Variants in HID1 observed in about 807,000 individuals in gnomAD.
HID1 encodes the protein HID1 domain containing.
In HID1, 42 loss-of-function variants were observed where a neutral mutation model predicts 89.7. The observed-to-expected ratio is 0.47, with a 90% confidence interval of 0.37 to 0.61. The LOEUF is 0.61. Among genes scored for constraint, HID1 ranks in the 20% least tolerant of loss-of-function variants. HID1 has a pLI of 0.00. For missense variants in HID1, 854 were observed against 1,039.3 expected, an observed-to-expected ratio of 0.82 and a Z score of 2.45; for synonymous variants, 442 against 433.8, an observed-to-expected ratio of 1.02 and a Z score of -0.24.
chr17:74,964,128 G>A (rs2039527280), intron 2 of HID1: 1 of 603,508 alleles, frequency 1.7e-6, no homozygotes, highest in South Asian at 2.0e-5. Flanking sequence ...TGGAGCATCA[G>A]GACAGCCAGG....
chr17:74,964,505 T>C lies in HID1; in HGVS notation c.194A>G (p.Asn65Ser). Residue 65 changes from asparagine (N) to serine (S), a missense_variant, in exon 2 of 19, where the codon AAC becomes AGC. By Grantham distance (46) the Asn-to-Ser change is conservative (BLOSUM62 1). Transcript: ENST00000425042. ...CACCTTGTAGCACAGGGTGGCCAAGTTGGAGGGTGACTCTTCCCGCACGGC... is the reference window on the plus strand; with the variant it reads ...CACCTTGTAGCACAGGGTGGCCAAGCTGGAGGGTGACTCTTCCCGCACGGC... ...IRAVREESPS[N>S]LATLCYKAVE... is the part of the protein sequence containing the mutation. 1 of 1,610,334 alleles carries C rather than the reference T, an allele frequency of 6.2e-7. No individual in the cohort carries two copies. The highest frequency in any genetic ancestry group is 8.5e-7 in the Non-Finnish European group (1 of 1,178,662).
chr17:74,963,438 T>C, intron 3 of HID1: 2 of 505,108 alleles, frequency 4.0e-6, no homozygotes, highest in East Asian at 6.8e-5. Context: ...GACAGTGTGG[T>C]CCCTCTCCGG....
chr17:74,953,769 C>A (rs117332710), intron 14 of HID1, 118 bp from the exon 15 acceptor site: 2 of 778,616 alleles, frequency 2.6e-6, no homozygotes, highest in African/African-American at 1.7e-5. Flanking sequence ...GAACCTCCAC[C>A]GGCTCTAGAG....
intron 16 of HID1, among the ~76,000 whole-genome samples, chr17:74,952,709 A>C (rs1196735753): frequency 1.3e-5 from 2 of 152,164 alleles, no homozygotes; most frequent in African/African-American, 4.8e-5. Flanking sequence ...AGGAAGTCGG[A>C]AAGAGTGATT....
Position 74,959,228 on chromosome 17 carries a change from G to A in HID1, c.1009-177C>T, listed in dbSNP as rs570382331. Among the ~76,000 whole-genome samples the A allele has an allele frequency of 3.3e-5, 5 of 151,932 alleles. No homozygotes were observed. Among genetic ancestry groups the A allele is most frequent in the South Asian group, 4.2e-4 (2 of 4,798 alleles). On this transcript the variant is annotated intron_variant, in intron 8 of 18. Transcript: ENST00000425042. The surrounding 1 kb of genome is among the most constrained non-coding windows in gnomAD (Gnocchi z 4.6). ...GTCCTGGGGCGATGCCTCAGGAAGCGGAGTCCCTCATAGCTGTGGACAGCC... is the reference window on the plus strand; with the variant it reads ...GTCCTGGGGCGATGCCTCAGGAAGCAGAGTCCCTCATAGCTGTGGACAGCC...
At chr17:74,966,697 C>T (rs1194955676) in intron 1 of HID1, among the ~76,000 whole-genome samples, 1 of 151,980 alleles carries the variant, frequency 6.6e-6, no homozygotes, top group Non-Finnish European at 1.5e-5. Flanking sequence ...TGTCTGTAAT[C>T]CCAGCACTTT....
chr17:74,956,331 T>C (rs1206859896), intron 12 of HID1, among the ~76,000 whole-genome samples: 1 of 152,116 alleles, frequency 6.6e-6, no homozygotes, highest in Non-Finnish European at 1.5e-5. Flanking sequence ...TCCCCAGTAA[T>C]GAAATGATCG....
intron 6 of HID1, 35 bp from the exon 7 acceptor site, chr17:74,960,283 C>T: frequency 6.4e-7 from 1 of 1,564,502 alleles, no homozygotes; most frequent in Non-Finnish European, 8.7e-7. Flanking sequence ...GCAGAGGCTG[C>T]ACTGGGGCCC....
intron 13 of HID1, chr17:74,954,796 TCTCAGGC>T (rs2039364324): frequency 9.3e-6 from 2 of 215,450 alleles, no homozygotes; most frequent in Non-Finnish European, 1.9e-5. Context: ...TTCTCCTGGC[TCTCAGGC>T]CCCAGTCCCC....
chr17:74,955,499 G>A (rs1344169381), intron 13 of HID1, among the ~76,000 whole-genome samples: 12 of 53,298 alleles, frequency 2.3e-4, no homozygotes, highest in Admixed American at 4.0e-4. Flanking sequence ...AGACGCCGTC[G>A]GGAAAAAAAA....
rs10719287 is a variant in HID1, at chr17:74,961,867, CT to C, written c.728+5del. On this transcript the variant is annotated splice_donor_5th_base_variant and intron_variant, in intron 6 of 18. Transcript: ENST00000425042. ...AGAGAGCGCAGAAAGGCCAAGGGCC[CT>C]TCACCTGTTCTCCGTGGAACAAAAG... The C allele has an allele frequency of 0.51, 782,345 of 1,533,506 alleles. 207,927 individuals are homozygous for C. The highest frequency in any genetic ancestry group is 0.93 in the East Asian group (39,150 of 42,016). The allele number at this position is 1,533,506 out of a possible 1,614,324, so 95.0% of individuals were successfully genotyped here.
chr17:74,952,982 G>A (rs892163119), intron 16 of HID1, 24 bp downstream of exon 16: 4 of 1,573,288 alleles, frequency 2.5e-6, no homozygotes, highest in East Asian at 2.3e-5. Flanking sequence ...GCCCCCGCTC[G>A]CCTGGCACAG....
chr17:74,965,162 T>C (rs1182412212), intron 1 of HID1, among the ~76,000 whole-genome samples: 1 of 152,252 alleles, frequency 6.6e-6, no homozygotes, highest in Non-Finnish European at 1.5e-5. Context: ...TGTGGCTCTC[T>C]GACCCCAACA....
chr17:74,968,041 G>C (rs1199193051), intron 1 of HID1: 4 of 152,388 alleles, frequency 2.6e-5, no homozygotes, highest in African/African-American at 9.6e-5. Context: ...GGAGTTCAAG[G>C]CTGCAGTGAG....
chr17:74,963,906 A>G lies in HID1; in HGVS notation c.221T>C (p.Val74Ala), dbSNP rs1227827483. ...CTCAGCTCCCTGCACCAGCTTCTCAACGGCCTGTGGGGGCAGGCAGGAGCA... is the reference window on the plus strand; with the variant it reads ...CTCAGCTCCCTGCACCAGCTTCTCAGCGGCCTGTGGGGGCAGGCAGGAGCA... ...SNLATLCYKA[V>A]EKLVQGAESG... The change falls in exon 3 of 19, where the codon GTT becomes GCT. Residue 74 changes from valine to alanine, a missense_variant. Physicochemically the swap from Val to Ala is moderately conservative, Grantham distance 64. Coordinates refer to ENST00000425042, the MANE Select transcript of HID1 (RefSeq NM_030630.3). 2 of 1,613,552 alleles carry G rather than the reference A, an allele frequency of 1.2e-6. No individual in the cohort carries two copies. The highest frequency in any genetic ancestry group is 1.7e-6 in the Non-Finnish European group (2 of 1,179,904).
chr17:74,963,862 TCTC>T lies in HID1; in HGVS notation c.262_264del (p.Glu88del), dbSNP rs752166684. 6.2e-7 allele frequency: 1 copy of T among 1,613,904 alleles called. No homozygotes were observed. Among genetic ancestry groups the T allele is most frequent in the Non-Finnish European group, 8.5e-7 (1 of 1,180,020 alleles). ...CAGTTCAGGACGATCTGCTTCTCCT[TCTC>T]CGAGTGGCAGCCACTCTCAGCTCCC... On this transcript the variant is annotated inframe_deletion, in exon 3 of 19. Transcript: ENST00000425042.
chr17:74,956,538 T>A (rs1365325805), intron 12 of HID1, among the ~76,000 whole-genome samples: 2 of 152,126 alleles, frequency 1.3e-5, no homozygotes, highest in Non-Finnish European at 2.9e-5. Flanking sequence ...GCTGTCTTGG[T>A]CACAAGTGTG....
intron 15 of HID1, 80 bp from the exon 16 acceptor site, chr17:74,953,166 C>T: frequency 1.7e-6 from 2 of 1,192,912 alleles, no homozygotes; most frequent in Non-Finnish European, 2.4e-6. Flanking sequence ...GCCCTCTCCA[C>T]TGGCAGCTGG....
chr17:74,962,178 G>C lies in HID1; in HGVS notation c.611+56C>G. ...CCCCATGGGCTTTCTGAGCTGTGCG[G>C]GGGCCCGGCCCGGGGTCCAGCTGCA... On this transcript the variant is annotated intron_variant, in intron 5 of 18. Coordinates refer to ENST00000425042, the MANE Select transcript of HID1 (RefSeq NM_030630.3). The surrounding 1 kb of genome is among the most constrained non-coding windows in gnomAD (Gnocchi z 4.3). 1 of 1,454,072 alleles carries C rather than the reference G, an allele frequency of 6.9e-7. No homozygotes were observed. Among genetic ancestry groups the C allele is most frequent in the Non-Finnish European group, 9.5e-7 (1 of 1,050,266 alleles). The allele number at this position is 1,454,072 out of a possible 1,614,324, so 90.1% of individuals were successfully genotyped here.
Sources: allele counts gnomAD v4.1 joint callset (sites outside exome capture counted in the v4.1 genomes callset), GRCh38; gene constraint gnomAD v4.1.1; non-coding constraint Gnocchi (gnomAD v3.1); transcripts MANE v1.5; gene names NCBI Gene and HGNC (gene_info 2026-07-23, HGNC 2026-07-21).